NEK1: variants seen among roughly 807,000 people sequenced by gnomAD.
The protein encoded by NEK1 is serine/threonine-protein kinase Nek1.
Under a neutral mutation model 182.1 loss-of-function variants are expected in NEK1, and 137 were observed. The ratio of observed to expected loss-of-function variants is 0.75; its 90% CI spans 0.65 to 0.87. The LOEUF (loss-of-function observed/expected upper bound fraction) is 0.87. NEK1 is among the 40% of genes least tolerant of loss of function. The pLI is 0.00. For missense variants in NEK1, 1,391 were observed against 1,494.4 expected, an observed-to-expected ratio of 0.93 and a Z score of 1.14; for synonymous variants, 513 against 492.2, an observed-to-expected ratio of 1.04 and a Z score of -0.56.
At chr4:169,459,719 G>A in intron 27 of NEK1, among the ~76,000 whole-genome samples, 1 of 152,096 alleles carries the variant, frequency 6.6e-6, no homozygotes, top group East Asian at 1.9e-4. Context: ...GAGCTATTGA[G>A]ACACAAAAAG....
At chr4:169,428,371 T>TATATATATATATATATATATATATATAA (rs1447545764) in intron 29 of NEK1, among the ~76,000 whole-genome samples, 2 of 144,784 alleles carry the variant, frequency 1.4e-5, no homozygotes, top group African/African-American at 5.0e-5. Flanking sequence ...TATATATATA[T>TATATATATATATATATATATATATATAA]AATGGAATAT....
chr4:169,594,758 C>T (rs138543303), intron 5 of NEK1, among the ~76,000 whole-genome samples: 26 of 152,318 alleles, frequency 1.7e-4, no homozygotes, highest in African/African-American at 5.5e-4. Context: ...CTTGCCAAAT[C>T]TAAAAAGATG....
intron 32 of NEK1, among the ~76,000 whole-genome samples, chr4:169,406,342 T>C (rs896464265): frequency 7.2e-5 from 11 of 151,926 alleles, no homozygotes; most frequent in East Asian, 1.9e-4. Flanking sequence ...AGTTATCCCC[T>C]CTTTTTTACA....
Position 169,480,742 on chromosome 4 carries a change from A to T in NEK1, c.2008-1208T>A, listed in dbSNP as rs577395510. ...CTTTTGATTTTGTAAAAATATTTTT[A>T]AAATTCTTTATTATTTAAATAAAGA... On this transcript the variant is annotated intron_variant, in intron 23 of 35. Coordinates refer to ENST00000507142, the MANE Select transcript of NEK1 (RefSeq NM_001199397.3). Among the ~76,000 whole-genome samples the T allele has an allele frequency of 4.6e-5, 7 of 152,284 alleles. No homozygotes were observed. The East Asian group carries it at 7.7e-4, about 17-fold the overall frequency.
chr4:169,548,320 C>T (rs918549009), intron 18 of NEK1, among the ~76,000 whole-genome samples: 6 of 152,368 alleles, frequency 3.9e-5, no homozygotes, highest in African/African-American at 1.4e-4. Flanking sequence ...AGATTGCTGC[C>T]TGTTCCTTCC....
In NEK1 at chr4:169,454,066, A is replaced by T. The variant is rs562096242; in HGVS notation, c.2587+9177T>A. Among the ~76,000 whole-genome samples, 28 of 152,308 alleles carry T rather than the reference A, an allele frequency of 1.8e-4. 1 individual carries two copies. The South Asian group carries it at 4.6e-3, about 25-fold the overall frequency. On this transcript the variant is annotated intron_variant, in intron 27 of 35. Transcript: ENST00000507142. ...CTGATCTTTAACAAACCTGACAAAA[A>T]CGAGAAATGGGGAAAGGATTCCCTA...
intron 27 of NEK1, among the ~76,000 whole-genome samples, chr4:169,446,951 C>A (rs953519134): frequency 6.6e-6 from 1 of 152,090 alleles, no homozygotes; most frequent in Non-Finnish European, 1.5e-5. Flanking sequence ...ATCTAAAAAA[C>A]AGACTCAGAA....
At chr4:169,521,247 TC>T (rs1320404183) in intron 19 of NEK1, among the ~76,000 whole-genome samples, 1 of 66,210 alleles carries the variant, frequency 1.5e-5, no homozygotes, top group Non-Finnish European at 3.2e-5. Context: ...AGCACAATAT[TC>T]GGGTGGGAGT....
intron 19 of NEK1, among the ~76,000 whole-genome samples, chr4:169,534,500 G>A (rs1164094803): frequency 1.3e-5 from 2 of 152,174 alleles, no homozygotes; most frequent in East Asian, 3.8e-4. Context: ...AAGATCTAAA[G>A]AGGGTCCCTA....
intron 2 of NEK1, among the ~76,000 whole-genome samples, chr4:169,608,996 G>C (rs1352080963): frequency 6.7e-6 from 1 of 150,186 alleles, no homozygotes; most frequent in Non-Finnish European, 1.5e-5. Context: ...GGGAGGCAGA[G>C]GTTGCAGTGA....
intron 23 of NEK1, among the ~76,000 whole-genome samples, chr4:169,496,573 G>A (rs1023840088): frequency 3.8e-4 from 58 of 150,686 alleles, no homozygotes; most frequent in African/African-American, 1.2e-3. Flanking sequence ...TTTGAGATAC[G>A]TCCCATCAAT....
intron 27 of NEK1, among the ~76,000 whole-genome samples, chr4:169,460,049 T>C (rs927657839): frequency 6.6e-6 from 1 of 152,154 alleles, no homozygotes; most frequent in Non-Finnish European, 1.5e-5. Flanking sequence ...GTGTCAACAT[T>C]GGTCTATTGA....
At chr4:169,404,081 G>GA (rs34150030) in intron 32 of NEK1, among the ~76,000 whole-genome samples, 149,955 of 152,030 alleles carry the variant, frequency 0.99, 73,959 homozygotes, top group African/African-American at 1. Flanking sequence ...TTGGAAGAAA[G>GA]AAAAAATAAA....
In NEK1 at chr4:169,463,227, A is replaced by T; in HGVS notation, c.2587+16T>A. On this transcript the variant is annotated intron_variant, in intron 27 of 35. Transcript: ENST00000507142. ...ATATTACTTCTAGTATAGAAAAACT[A>T]CCAGTTTCTCCTTACCACTTCTAAT... 7.1e-7 allele frequency: 1 copy of T among 1,408,192 alleles called. No individual in the cohort carries two copies. Among genetic ancestry groups the T allele is most frequent in the Non-Finnish European group, 9.4e-7 (1 of 1,066,038 alleles). The allele number at this position is 1,408,192 out of a possible 1,614,324, so 87.2% of individuals were successfully genotyped here. A position where few individuals can be genotyped will look rare whatever the true frequency, so the allele number is the denominator to read the frequency against.
chr4:169,437,712 C>A (rs780678607), intron 28 of NEK1, among the ~76,000 whole-genome samples: 1 of 152,182 alleles, frequency 6.6e-6, no homozygotes, highest in Non-Finnish European at 1.5e-5. Context: ...CCCAGCTAAG[C>A]TGTACTTGCC....
chr4:169,545,486 T>C (rs1364449541), intron 18 of NEK1, among the ~76,000 whole-genome samples: 2 of 149,950 alleles, frequency 1.3e-5, no homozygotes, highest in Non-Finnish European at 1.5e-5. Context: ...GTCTTTGCTA[T>C]TGTGAATAAT....
At chr4:169,604,037 C>T (rs1367410667) in intron 2 of NEK1, among the ~76,000 whole-genome samples, 4 of 152,118 alleles carry the variant, frequency 2.6e-5, no homozygotes, top group South Asian at 2.1e-4. Context: ...CTCTTTTGAA[C>T]TATTCATCCA....
intron 27 of NEK1, among the ~76,000 whole-genome samples, chr4:169,455,337 AAAG>A (rs1681105754): frequency 6.6e-6 from 1 of 152,154 alleles, no homozygotes; most frequent in Non-Finnish European, 1.5e-5. Flanking sequence ...CAAAAAAAAA[AAAG>A]AAGACTCAAT....
At chr4:169,588,413 C>G (rs59387993) in intron 8 of NEK1, among the ~76,000 whole-genome samples, 2 of 152,064 alleles carry the variant, frequency 1.3e-5, no homozygotes, top group African/African-American at 4.8e-5. Flanking sequence ...AAAGAAAGCA[C>G]TCTACTTTCA....
Sources: gnomAD v4.1 joint callset for allele counts (sites outside exome capture counted in the v4.1 genomes callset) on GRCh38, gnomAD v4.1.1 for gene constraint, MANE v1.5 for transcripts, NCBI Gene and HGNC (gene_info 2026-07-23, HGNC 2026-07-21) for gene names.